Variants in AGAP1 observed in about 807,000 individuals in gnomAD.
The protein encoded by AGAP1 is arf-GAP with GTPase, ANK repeat and PH domain-containing protein 1.
Under a neutral mutation model 105.3 loss-of-function variants are expected in AGAP1, and 29 were observed. That is an observed-to-expected ratio of 0.28 (90% CI 0.21 to 0.38). The LOEUF (loss-of-function observed/expected upper bound fraction) is 0.38, where lower values mean the gene tolerates loss of function less well. Among genes scored for constraint, AGAP1 ranks in the 10% least tolerant of loss-of-function variants. The pLI, the probability that AGAP1 is intolerant of heterozygous loss-of-function variation, is 1.00. For missense variants in AGAP1, 998 were observed against 1,165.1 expected (o/e 0.86, Z 2.09); for synonymous variants, 509 against 485.9 (o/e 1.05, Z -0.63).
At position 235,909,936 on chromosome 2, in the gene AGAP1, G is replaced by A. The variant is rs943367496; in HGVS notation, c.1324+1030G>A. Among the ~76,000 whole-genome samples the A allele has an allele frequency of 9.2e-5, 14 of 152,146 alleles. No individual in the cohort carries two copies. The East Asian group carries it at 2.5e-3, about 27-fold the overall frequency. ...CTTGGGAGGCTGAGGCAGGAGAATCGCTTGAACCCAGGAGGCAGAGGTTGC... is the reference window on the plus strand; with the variant it reads ...CTTGGGAGGCTGAGGCAGGAGAATCACTTGAACCCAGGAGGCAGAGGTTGC... On this transcript the variant is annotated intron_variant, in intron 11 of 17. Coordinates refer to ENST00000304032, the MANE Select transcript of AGAP1 (RefSeq NM_001037131.3).
Position 235,890,224 on chromosome 2 carries a change from G to A in AGAP1, c.1155+6775G>A, listed in dbSNP as rs569762105. 1.1e-4 allele frequency among the ~76,000 whole-genome samples: 16 copies of A among 147,252 alleles called. No homozygotes were observed. In the South Asian group the frequency reaches 2.4e-3, roughly 22 times the overall value. On this transcript the variant is annotated intron_variant, in intron 10 of 17. Transcript: ENST00000304032. ...CCCCCAGGCTAGAGTGCAGTGGCAC[G>A]ATCTCAGCTCACTGCAACCTCTGGG...
chr2:235,495,190 A>G (rs1218435087), intron 1 of AGAP1, among the ~76,000 whole-genome samples: 10 of 151,998 alleles, frequency 6.6e-5, no homozygotes. Flanking sequence ...GGTCGGCGCC[A>G]CCCGACCCCT....
rs1453702487 is a variant in AGAP1, at chr2:235,967,727, C to T, written c.1484-735C>T. Among the ~76,000 whole-genome samples the T allele has an allele frequency of 3.9e-5, 6 of 152,296 alleles. No homozygotes were observed. Among genetic ancestry groups the T allele is most frequent in the Non-Finnish European group, 5.9e-5 (4 of 68,026 alleles). On this transcript the variant is annotated intron_variant, in intron 12 of 17. Coordinates refer to ENST00000304032, the MANE Select transcript of AGAP1 (RefSeq NM_001037131.3). This position sits in a 1 kb window ranked among gnomAD's most constrained non-coding sequence, Gnocchi z 4.7. ...TTCCACCCGGCTTGAATTATATGCGCGTTCTGGTCATGTAGTACCGCTTTG... is the reference window on the plus strand; with the variant it reads ...TTCCACCCGGCTTGAATTATATGCGTGTTCTGGTCATGTAGTACCGCTTTG...
At position 235,642,392 on chromosome 2, in the gene AGAP1, C is replaced by T. The variant is rs189483555; in HGVS notation, c.164-66787C>T. Reference sequence around the variant, plus strand: ...GAAGAGAGCTTGTGACTGAGGAAAACCTGGCTTAGGGATTTATCTGCAGGG... The same window carrying T: ...GAAGAGAGCTTGTGACTGAGGAAAATCTGGCTTAGGGATTTATCTGCAGGG... On this transcript the variant is annotated intron_variant, in intron 1 of 17. Coordinates refer to ENST00000304032, the MANE Select transcript of AGAP1 (RefSeq NM_001037131.3). This position sits in a 1 kb window ranked among gnomAD's most constrained non-coding sequence, Gnocchi z 4.1. Among the ~76,000 whole-genome samples, 38 of 152,344 alleles carry T rather than the reference C, an allele frequency of 2.5e-4. No homozygotes were observed. The highest frequency in any genetic ancestry group is 4.0e-4 in the Non-Finnish European group (27 of 68,038).
chr2:235,544,940 T>G (rs1943573563), intron 1 of AGAP1, among the ~76,000 whole-genome samples: 1 of 152,190 alleles, frequency 6.6e-6, no homozygotes, highest in Non-Finnish European at 1.5e-5. Flanking sequence ...GTTTTAAAAT[T>G]TAGGTTTGAG....
Position 235,574,069 on chromosome 2 carries a change from T to C in AGAP1, c.163+79220T>C, listed in dbSNP as rs940254746. 6.6e-6 allele frequency among the ~76,000 whole-genome samples: 1 copy of C among 152,228 alleles called. No homozygotes were observed. The highest frequency in any genetic ancestry group is 1.5e-5 in the Non-Finnish European group (1 of 68,038). The stretch of plus-strand genomic sequence containing the variant: ...GTCAGGGAGGCAGGGCCTGGGTGCC[T>C]TGGGGCCTGTCCTATCTGAGGTCCA... On this transcript the variant is annotated intron_variant, in intron 1 of 17. Transcript: ENST00000304032. The surrounding 1 kb of genome is among the most constrained non-coding windows in gnomAD (Gnocchi z 5.0).
rs983462927 is a variant in AGAP1, at chr2:236,124,317, G to A, written c.*195G>A. The A allele has an allele frequency of 5.5e-5, 36 of 657,936 alleles. No homozygotes were observed. The highest frequency in any genetic ancestry group is 3.9e-4 in the East Asian group (14 of 35,870). The allele number at this position is 657,936 out of a possible 1,614,324, so 40.8% of individuals were successfully genotyped here. The stretch of plus-strand genomic sequence containing the variant: ...TCCCTCAAGGGGCGAAGAGGCGGCC[G>A]GGAGACTGCAGAAGTGGCTCCTTTT... On this transcript the variant is annotated 3_prime_UTR_variant, in exon 18 of 18. Coordinates refer to ENST00000304032, the MANE Select transcript of AGAP1 (RefSeq NM_001037131.3). This position sits in a 1 kb window ranked among gnomAD's most constrained non-coding sequence, Gnocchi z 5.1.
At position 235,741,910 on chromosome 2, in the gene AGAP1, C is replaced by T. The variant is rs964998118; in HGVS notation, c.396+862C>T. Among the ~76,000 whole-genome samples, 11 of 151,824 alleles carry T rather than the reference C, an allele frequency of 7.2e-5. No homozygotes were observed. The East Asian group carries it at 1.4e-3, about 19-fold the overall frequency. On this transcript the variant is annotated intron_variant, in intron 4 of 17. Transcript: ENST00000304032. This position sits in a 1 kb window ranked among gnomAD's most constrained non-coding sequence, Gnocchi z 4.9. The stretch of plus-strand genomic sequence containing the variant: ...CTGGGACTACGGGCGCCTGCTACCA[C>T]GCCTGGCTAATTTTTTGTATTTTTA...
rs1186766148 is a variant in AGAP1 at position 235,936,255 on chromosome 2, C to T, written c.1483+5332C>T. On this transcript the variant is annotated intron_variant, in intron 12 of 17. Transcript: ENST00000304032. The surrounding 1 kb of genome is among the most constrained non-coding windows in gnomAD (Gnocchi z 4.7). ...ACCACGCAGCCTCGTCACCATCGAG[C>T]ACAAACACCATGTCCATCTTCCACA... Among the ~76,000 whole-genome samples, 2 of 152,230 alleles carry T rather than the reference C, an allele frequency of 1.3e-5. No individual in the cohort carries two copies. The highest frequency in any genetic ancestry group is 6.5e-5 in the Admixed American group (1 of 15,280).
chr2:235,581,134 CAA>C (rs60330965), intron 1 of AGAP1, among the ~76,000 whole-genome samples: 1,280 of 88,120 alleles, frequency 0.015, 18 homozygotes, highest in African/African-American at 0.05. Flanking sequence ...CCATCTCAAG[CAA>C]AAAAAAAAAA....
chr2:235,783,504 A>G (rs1414396746), intron 6 of AGAP1: 1 of 382,552 alleles, frequency 2.6e-6, no homozygotes, highest in Non-Finnish European at 5.3e-6. Context: ...TGGAGAGAAA[A>G]AGACCTTGTG....
At chr2:235,937,844 C>T (rs936820438) in intron 12 of AGAP1, among the ~76,000 whole-genome samples, 1 of 152,234 alleles carries the variant, frequency 6.6e-6, no homozygotes, top group Non-Finnish European at 1.5e-5. Context: ...CAGCCCCCCA[C>T]AGCCAAGAGT....
intron 1 of AGAP1, among the ~76,000 whole-genome samples, chr2:235,580,848 C>T (rs1304331439): frequency 1.3e-5 from 2 of 152,146 alleles, no homozygotes; most frequent in Non-Finnish European, 2.9e-5. Flanking sequence ...GGTGATCATC[C>T]TGTCTCTGAG....
In AGAP1 at chr2:235,556,484, G is replaced by A. The variant is rs1943978525; in HGVS notation, c.163+61635G>A. Among the ~76,000 whole-genome samples the A allele has an allele frequency of 6.6e-6, 1 of 152,212 alleles. No individual in the cohort carries two copies. Among genetic ancestry groups the A allele is most frequent in the Admixed American group, 6.5e-5 (1 of 15,286 alleles). ...GGGGACTTTGGGGTGACACAAACCA[G>A]AGAAGGGCTTCAGCAGAGGGCCATG... On this transcript the variant is annotated intron_variant, in intron 1 of 17. Coordinates refer to ENST00000304032, the MANE Select transcript of AGAP1 (RefSeq NM_001037131.3). The surrounding 1 kb of genome is among the most constrained non-coding windows in gnomAD (Gnocchi z 5.3).
At chr2:235,949,145 A>C (rs749222187) in intron 12 of AGAP1, among the ~76,000 whole-genome samples, 2 of 152,198 alleles carry the variant, frequency 1.3e-5, no homozygotes, top group African/African-American at 2.4e-5. Context: ...AAAGTGCCTG[A>C]TGTGCAGTCA....
intron 1 of AGAP1, among the ~76,000 whole-genome samples, chr2:235,685,446 A>C (rs998056912): frequency 1.3e-5 from 2 of 150,352 alleles, no homozygotes; most frequent in Non-Finnish European, 3.0e-5. Flanking sequence ...GCCTCTCATC[A>C]CCTCGATATC....
chr2:235,849,479 C>CTT (rs759430166), intron 9 of AGAP1, among the ~76,000 whole-genome samples: 37 of 12,962 alleles, frequency 2.9e-3, no homozygotes, highest in African/African-American at 8.6e-3. Context: ...CAGGCAGTGA[C>CTT]CTCTCCTGCA....
Position 235,716,299 on chromosome 2 carries a change from G to A in AGAP1, c.223-1258G>A, listed in dbSNP as rs147184979. 2.3e-3 allele frequency among the ~76,000 whole-genome samples: 356 copies of A among 152,248 alleles called. 4 individuals carry two copies. Among genetic ancestry groups the A allele is most frequent in the East Asian group, 0.02 (104 of 5,156 alleles). On this transcript the variant is annotated intron_variant, in intron 2 of 17. Coordinates refer to ENST00000304032, the MANE Select transcript of AGAP1 (RefSeq NM_001037131.3). The surrounding 1 kb of genome is among the most constrained non-coding windows in gnomAD (Gnocchi z 4.0). ...ACAGGGCTGGGAGGGAGGTAGAGGC[G>A]GAAGCCAGTGTGAGAGTTGGAAGAG...
rs922496970 is a variant in AGAP1, at chr2:235,927,339, G to A, written c.1325-3426G>A. 2.0e-5 allele frequency among the ~76,000 whole-genome samples: 3 copies of A among 152,268 alleles called. No individual in the cohort carries two copies. Among genetic ancestry groups the A allele is most frequent in the East Asian group, 1.9e-4 (1 of 5,174 alleles). ...GGGACTCTCTCAGGAGGCAGAAGGT[G>A]GGCTCTGAGCCACACCCTCAGAGCT... On this transcript the variant is annotated intron_variant, in intron 11 of 17. Coordinates refer to ENST00000304032, the MANE Select transcript of AGAP1 (RefSeq NM_001037131.3). The surrounding 1 kb of genome is among the most constrained non-coding windows in gnomAD (Gnocchi z 4.4).
Sources: allele counts gnomAD v4.1 joint callset (sites outside exome capture counted in the v4.1 genomes callset), GRCh38; gene constraint gnomAD v4.1.1; non-coding constraint Gnocchi (gnomAD v3.1); transcripts MANE v1.5; gene names NCBI Gene and HGNC (gene_info 2026-07-23, HGNC 2026-07-21).